RAB10: variants seen among roughly 807,000 people sequenced by gnomAD.
The protein encoded by RAB10 is RAB10, member RAS oncogene family.
RAB10 carries 5 observed loss-of-function variants against 25.7 expected under a neutral mutation model. The observed-to-expected ratio is 0.19, with a 90% confidence interval of 0.10 to 0.41. The LOEUF (loss-of-function observed/expected upper bound fraction) is 0.41. RAB10 is among the 10% of genes least tolerant of loss of function. The pLI, the probability that RAB10 is intolerant of heterozygous loss-of-function variation, is 1.00. For missense variants in RAB10, 103 were observed against 245.8 expected, an observed-to-expected ratio of 0.42 and a Z score of 3.89; for synonymous variants, 89 against 86.4, an observed-to-expected ratio of 1.03 and a Z score of -0.16.
chr2:26,084,523 T>G (rs564191276), intron 1 of RAB10, among the ~76,000 whole-genome samples: 5 of 152,326 alleles, frequency 3.3e-5, no homozygotes, highest in East Asian at 1.9e-4. Flanking sequence ...ACACCATGTT[T>G]TGGTACATGG....
At chr2:26,062,882 C>T (rs6715739) in intron 1 of RAB10, among the ~76,000 whole-genome samples, 117,017 of 151,824 alleles carry the variant, frequency 0.77, 45,130 homozygotes, top group East Asian at 0.87. Flanking sequence ...TGGGAGGTTG[C>T]GGCAGGTGGA....
At chr2:26,038,945 C>T (rs1201886532) in intron 1 of RAB10, among the ~76,000 whole-genome samples, 1 of 141,796 alleles carries the variant, frequency 7.1e-6, no homozygotes, top group Admixed American at 7.1e-5. Context: ...AAAAAAAAAT[C>T]TACCATTGCG....
chr2:26,046,329 GAA>G (rs112698830), intron 1 of RAB10, among the ~76,000 whole-genome samples: 4 of 121,176 alleles, frequency 3.3e-5, no homozygotes, highest in African/African-American at 1.2e-4. Flanking sequence ...CCGTCTCAAA[GAA>G]AAAAAAAAAA....
intron 1 of RAB10, among the ~76,000 whole-genome samples, chr2:26,052,759 G>A (rs1470040589): frequency 6.6e-6 from 1 of 152,118 alleles, no homozygotes; most frequent in Non-Finnish European, 1.5e-5. Flanking sequence ...TTAGCCTGGT[G>A]TTGCTGAGTG....
At chr2:26,124,489 C>T (rs2149288793) in intron 3 of RAB10, among the ~76,000 whole-genome samples, 1 of 139,792 alleles carries the variant, frequency 7.2e-6, no homozygotes. Flanking sequence ...CAGCCTTGAG[C>T]TCTTGGGCTC....
At chr2:26,033,807 G>GT (rs1390428720), upstream of RAB10, among the ~76,000 whole-genome samples, 8 of 152,138 alleles carry the variant, frequency 5.3e-5, no homozygotes, top group Non-Finnish European at 1.0e-4. Context: ...GGGTCGGAGG[G>GT]GGGGCGCTGC....
At chr2:26,033,800 T>A (rs566803014), upstream of RAB10, among the ~76,000 whole-genome samples, 1 of 134,358 alleles carries the variant, frequency 7.4e-6, no homozygotes, top group South Asian at 2.7e-4. Flanking sequence ...GAGGCGGGGG[T>A]CGGAGGGGGG....
At chr2:26,110,248 G>C (rs2149284050) in intron 3 of RAB10, among the ~76,000 whole-genome samples, 1 of 147,372 alleles carries the variant, frequency 6.8e-6, no homozygotes, top group Middle Eastern at 3.5e-3. Flanking sequence ...CAAGGCAGGA[G>C]AATCTCTTGA....
At chr2:26,116,578 A>T (rs1574559505) in intron 3 of RAB10, among the ~76,000 whole-genome samples, 2 of 92,540 alleles carry the variant, frequency 2.2e-5, no homozygotes, top group Non-Finnish European at 2.0e-5. Flanking sequence ...TTTTTTTGAG[A>T]CGCAGTCTTG....
rs1665709666 is a variant in RAB10 at position 26,034,358 on chromosome 2, C to T, written c.-251C>T. ...GGAGGGGAGGCCATTTTGTCCCGAC[C>T]GACTCCCCGGAACCGGGCGGACGGG... On this transcript the variant is annotated 5_prime_UTR_variant, in exon 1 of 6. Coordinates refer to ENST00000264710, the MANE Select transcript of RAB10 (RefSeq NM_016131.5). 1 of 584,356 alleles carries T rather than the reference C, an allele frequency of 1.7e-6. No individual in the cohort carries two copies. Among genetic ancestry groups the T allele is most frequent in the Non-Finnish European group, 3.0e-6 (1 of 328,556 alleles). The allele number at this position is 584,356 out of a possible 1,614,324, so 36.2% of individuals were successfully genotyped here. A position where few individuals can be genotyped will look rare whatever the true frequency, so the allele number is the denominator to read the frequency against.
intron 1 of RAB10, among the ~76,000 whole-genome samples, chr2:26,050,797 C>G (rs1007096932): frequency 6.6e-6 from 1 of 151,918 alleles, no homozygotes; most frequent in Non-Finnish European, 1.5e-5. Context: ...CTAATTTTTT[C>G]TCTTTTTTTT....
At chr2:26,095,102 C>T (rs1313195900) in intron 1 of RAB10, among the ~76,000 whole-genome samples, 1 of 152,092 alleles carries the variant, frequency 6.6e-6, no homozygotes, top group Non-Finnish European at 1.5e-5. Flanking sequence ...TTTATGTATT[C>T]GGATTGTCAA....
intron 1 of RAB10, among the ~76,000 whole-genome samples, chr2:26,048,467 A>T (rs141080390): frequency 6.6e-6 from 1 of 152,172 alleles, no homozygotes; most frequent in Non-Finnish European, 1.5e-5. Flanking sequence ...CTGATTGCCA[A>T]AGGTGTTGAA....
chr2:26,067,349 A>G (rs10167833), intron 1 of RAB10, among the ~76,000 whole-genome samples: 5,148 of 152,338 alleles, frequency 0.034, 293 homozygotes, highest in African/African-American at 0.12. Flanking sequence ...CTGTGTAACA[A>G]TGAAAAGGTC....
At chr2:26,061,206 C>G (rs558789198) in intron 1 of RAB10, among the ~76,000 whole-genome samples, 3 of 150,926 alleles carry the variant, frequency 2.0e-5, no homozygotes, top group Non-Finnish European at 4.4e-5. Context: ...CCTCTGCCTC[C>G]CGGGCTCAAG....
chr2:26,110,336 T>TC (rs1311676087), intron 3 of RAB10, among the ~76,000 whole-genome samples: 7 of 50,566 alleles, frequency 1.4e-4, no homozygotes, highest in Non-Finnish European at 4.1e-5. Flanking sequence ...AGACTCCGTC[T>TC]CCAAAAAAAA....
At chr2:26,074,322 C>T (rs942487552) in intron 1 of RAB10, among the ~76,000 whole-genome samples, 1 of 152,148 alleles carries the variant, frequency 6.6e-6, no homozygotes, top group African/African-American at 2.4e-5. Flanking sequence ...TATCTCTAAT[C>T]AAATTGTATA....
At chr2:26,126,015 G>T (rs6755580) in intron 3 of RAB10, among the ~76,000 whole-genome samples, 149,142 of 152,308 alleles carry the variant, frequency 0.98, 73,041 homozygotes, top group African/African-American at 0.99. Flanking sequence ...CTTTGATCTA[G>T]TTCAAGTTAA....
chr2:26,135,054 A>T lies in RAB10; in HGVS notation c.*33A>T. On this transcript the variant is annotated 3_prime_UTR_variant, in exon 6 of 6. Transcript: ENST00000264710. ...CCTGTTCCATCAGTTGCCATCCACT[A>T]CCCCGTTTTCTCTTCTTGCTGCAAA... 2.6e-6 allele frequency: 4 copies of T among 1,549,574 alleles called. No individual in the cohort carries two copies. Among genetic ancestry groups the T allele is most frequent in the Non-Finnish European group, 3.5e-6 (4 of 1,127,142 alleles).
Sources: allele counts gnomAD v4.1 joint callset (sites outside exome capture counted in the v4.1 genomes callset), GRCh38; gene constraint gnomAD v4.1.1; transcripts MANE v1.5; gene names NCBI Gene and HGNC (gene_info 2026-07-23, HGNC 2026-07-21).